NUCB2: variants seen among roughly 807,000 people sequenced by gnomAD.
NUCB2 encodes the protein nucleobindin-2.
Under a neutral mutation model 57.9 loss-of-function variants are expected in NUCB2, and 48 were observed. The observed-to-expected ratio is 0.83, with a 90% CI of 0.66 to 1.05. The LOEUF is 1.05. Ranked by LOEUF, NUCB2 falls within the 50% of genes least tolerant of loss-of-function variation. The probability of loss-of-function intolerance (pLI) is 0.00; values close to 1 mark genes in which losing one functional copy is unlikely to be tolerated. For synonymous variants in NUCB2, 139 were observed against 152.1 expected, an observed-to-expected ratio of 0.91 and a Z score of 0.64; for missense variants, 442 against 476.2, an observed-to-expected ratio of 0.93 and a Z score of 0.67.
At chr11:17,336,405 T>C (rs1951801742), downstream of NUCB2, among the ~76,000 whole-genome samples, 1 of 152,096 alleles carries the variant, frequency 6.6e-6, no homozygotes, top group African/African-American at 2.4e-5. Context: ...TTAAACTGTA[T>C]ATATAATTAA....
chr11:17,292,588 G>A (rs1188912153), intron 2 of NUCB2, among the ~76,000 whole-genome samples: 1 of 152,166 alleles, frequency 6.6e-6, no homozygotes, highest in African/African-American at 2.4e-5. Context: ...TGATGCCAGT[G>A]CTGCTGGCCC....
At chr11:17,280,535 G>A (rs1208451167) in intron 1 of NUCB2, among the ~76,000 whole-genome samples, 1 of 152,206 alleles carries the variant, frequency 6.6e-6, no homozygotes, top group Non-Finnish European at 1.5e-5. Flanking sequence ...TTCATCATTA[G>A]ATTTGTGACA....
chr11:17,320,436 G>C (rs774244160), intron 11 of NUCB2, among the ~76,000 whole-genome samples: 1 of 152,100 alleles, frequency 6.6e-6, no homozygotes. Context: ...TTGGGAGGCC[G>C]AGGTGGGCGG....
chr11:17,307,003 C>T (rs1343314778), intron 5 of NUCB2, among the ~76,000 whole-genome samples: 1 of 151,822 alleles, frequency 6.6e-6, no homozygotes, highest in African/African-American at 2.4e-5. Flanking sequence ...ATTGAAATAT[C>T]TGATAATTTG....
At chr11:17,308,684 C>T (rs897435750) in intron 5 of NUCB2, among the ~76,000 whole-genome samples, 1 of 152,184 alleles carries the variant, frequency 6.6e-6, no homozygotes, top group Non-Finnish European at 1.5e-5. Flanking sequence ...ACAACTGAAA[C>T]AATCCAGCAT....
At chr11:17,347,976 G>T (rs1029572148) in intron 2 of NUCB2, among the ~76,000 whole-genome samples, 1 of 152,132 alleles carries the variant, frequency 6.6e-6, no homozygotes. Flanking sequence ...TATGTCTTTT[G>T]AATCTAAGAA....
At chr11:17,285,992 T>A (rs891801200) in intron 2 of NUCB2, among the ~76,000 whole-genome samples, 3 of 151,606 alleles carry the variant, frequency 2.0e-5, no homozygotes, top group Non-Finnish European at 2.9e-5. Context: ...TGTATAACTA[T>A]GGGTATAAAT....
intron 6 of NUCB2, 120 bp from the exon 7 acceptor site, chr11:17,310,705 A>C (rs1948358486): frequency 4.7e-6 from 3 of 635,782 alleles, no homozygotes; most frequent in Non-Finnish European, 8.0e-6. Flanking sequence ...AGAGGAGTCC[A>C]GTATGTTTTT....
In NUCB2 at chr11:17,288,936, CACACACACACACACATAT is replaced by C. The variant is rs1270607677; in HGVS notation, c.-1+5995_-1+6012del. Reference sequence around the variant, plus strand: ...ACACACACACACACACACACACACACACACACACACACACATATATATATATATTTTTTTTTTTTGAGA... The same window carrying C: ...ACACACACACACACACACACACACACATATATATATTTTTTTTTTTTGAGA... On this transcript the variant is annotated intron_variant, in intron 2 of 13. Coordinates refer to ENST00000529010, the MANE Select transcript of NUCB2 (RefSeq NM_005013.4). Among the ~76,000 whole-genome samples the C allele has an allele frequency of 4.6e-4, 39 of 84,552 alleles. 3 individuals carry two copies. Among genetic ancestry groups the C allele is most frequent in the East Asian group, 7.0e-4 (1 of 1,420 alleles). The allele number at this position is 84,552 out of a possible 152,430, so 55.5% of individuals were successfully genotyped here.
downstream of NUCB2, among the ~76,000 whole-genome samples, chr11:17,335,593 C>G (rs1005236477): frequency 1.3e-5 from 2 of 152,010 alleles, no homozygotes; most frequent in Non-Finnish European, 2.9e-5. Flanking sequence ...CATGTGCTGC[C>G]CAGGTTCAAG....
chr11:17,305,342 AAG>A (rs532341895), intron 5 of NUCB2, among the ~76,000 whole-genome samples: 1 of 152,144 alleles, frequency 6.6e-6, no homozygotes, highest in Non-Finnish European at 1.5e-5. Flanking sequence ...AGAAAAGAAA[AAG>A]AACACAAGTA....
chr11:17,308,617 T>G (rs1948046263), intron 5 of NUCB2, among the ~76,000 whole-genome samples: 1 of 152,238 alleles, frequency 6.6e-6, no homozygotes, highest in African/African-American at 2.4e-5. Flanking sequence ...TTGTTTCTGG[T>G]GAGCTGTCTT....
At chr11:17,313,192 A>G (rs1948760175) in intron 10 of NUCB2, among the ~76,000 whole-genome samples, 1 of 152,010 alleles carries the variant, frequency 6.6e-6, no homozygotes, top group Non-Finnish European at 1.5e-5. Context: ...ACTACTTTAA[A>G]ATATTCTAAA....
chr11:17,283,694 C>T (rs1943125116), intron 2 of NUCB2: 1 of 152,112 alleles, frequency 6.6e-6, no homozygotes, highest in Non-Finnish European at 1.5e-5. Context: ...GTTTGTTGTA[C>T]ATTTTATGGT....
intron 2 of NUCB2, among the ~76,000 whole-genome samples, chr11:17,337,748 C>T (rs771300901): frequency 6.6e-6 from 1 of 152,138 alleles, no homozygotes; most frequent in Non-Finnish European, 1.5e-5. Context: ...ATTCTCCTGC[C>T]TCAGCCTCCC....
chr11:17,300,994 C>T (rs1452073343), intron 4 of NUCB2, among the ~76,000 whole-genome samples: 14 of 97,442 alleles, frequency 1.4e-4, no homozygotes, highest in Admixed American at 4.2e-4. Flanking sequence ...TTTTTTGAGA[C>T]GGAGTTTCAC....
intron 1 of NUCB2, among the ~76,000 whole-genome samples, chr11:17,282,259 T>TC (rs1555062027): frequency 9.6e-5 from 7 of 73,036 alleles, no homozygotes; most frequent in Non-Finnish European, 1.5e-4. Flanking sequence ...TATATATATA[T>TC]TTTTTTTTTT....
chr11:17,326,114 C>T (rs905792457), intron 11 of NUCB2, among the ~76,000 whole-genome samples: 2 of 151,650 alleles, frequency 1.3e-5, no homozygotes, highest in East Asian at 3.9e-4. Flanking sequence ...GATTCTCATG[C>T]CTCAGCCTCC....
At chr11:17,285,885 C>T (rs541753749) in intron 2 of NUCB2, among the ~76,000 whole-genome samples, 14 of 151,448 alleles carry the variant, frequency 9.2e-5, no homozygotes, top group African/African-American at 3.2e-4. Flanking sequence ...ATATCTTGCC[C>T]AACAATCAAA....
Sources: allele counts gnomAD v4.1 joint callset (sites outside exome capture counted in the v4.1 genomes callset), GRCh38; gene constraint gnomAD v4.1.1; transcripts MANE v1.5; gene names NCBI Gene and HGNC (gene_info 2026-07-23, HGNC 2026-07-21).